The following SPAST variants were observed in gnomAD, a reference collection of about 807,000 sequenced individuals.
The protein encoded by SPAST is spastic paraplegia 4 (autosomal dominant; spastin).
SPAST carries 30 observed loss-of-function variants against 76.6 expected under a neutral mutation model. The ratio of observed to expected loss-of-function variants is 0.39; its 90% confidence interval spans 0.29 to 0.53. The LOEUF (loss-of-function observed/expected upper bound fraction) is 0.53. Among genes scored for constraint, SPAST ranks in the 20% least tolerant of loss-of-function variants. The pLI is 0.68. For synonymous variants in SPAST, 305 were observed against 281.0 expected, an observed-to-expected ratio of 1.09 and a Z score of -0.86; for missense variants, 717 against 770.5, an observed-to-expected ratio of 0.93 and a Z score of 0.82.
At chr2:32,114,574 T>A in intron 4 of SPAST, 64 bp from the exon 5 acceptor site, 2 of 1,276,262 alleles carry the variant, frequency 1.6e-6, no homozygotes, top group Non-Finnish European at 2.3e-6. Flanking sequence ...TTTACAAATG[T>A]TTGCTTGTCT....
rs151252025 is a variant in SPAST at position 32,106,971 on chromosome 2, A to G, written c.683-7667A>G. Among the ~76,000 whole-genome samples the G allele has an allele frequency of 2.8e-4, 43 of 151,428 alleles. 1 individual carries two copies. Among genetic ancestry groups the G allele is most frequent in the African/African-American group, 9.7e-4 (40 of 41,088 alleles). On this transcript the variant is annotated intron_variant, in intron 4 of 16. Coordinates refer to ENST00000315285, the MANE Select transcript of SPAST (RefSeq NM_014946.4). ...AAAATATGTATTTGAGATCCCAGTA[A>G]TTCTACTAGGATAAATAGCAAAAAT... is the stretch of plus-strand genomic sequence containing the variant.
At chr2:32,090,370 C>T (rs2148711117) in intron 3 of SPAST, among the ~76,000 whole-genome samples, 1 of 152,304 alleles carries the variant, frequency 6.6e-6, no homozygotes, top group South Asian at 2.1e-4. Context: ...CATCCCACTT[C>T]ACTGTCCCCC....
intron 3 of SPAST, among the ~76,000 whole-genome samples, chr2:32,094,043 C>G (rs1677829989): frequency 6.6e-6 from 1 of 152,112 alleles, no homozygotes; most frequent in Non-Finnish European, 1.5e-5. Context: ...ATTTTCCATC[C>G]TAATTAGATA....
At chr2:32,084,867 AAT>A (rs1236753246) in intron 1 of SPAST, among the ~76,000 whole-genome samples, 1 of 135,738 alleles carries the variant, frequency 7.4e-6, no homozygotes, top group Non-Finnish European at 1.5e-5. Flanking sequence ...CAGCCTGGGC[AAT>A]AGAGTGAGAC....
intron 1 of SPAST, among the ~76,000 whole-genome samples, chr2:32,076,796 A>T (rs1480397844): frequency 2.0e-5 from 3 of 151,948 alleles, no homozygotes; most frequent in Non-Finnish European, 4.4e-5. Flanking sequence ...TCCTTGGCTT[A>T]AGTGATCTTC....
At chr2:32,098,000 C>G (rs774081195) in intron 3 of SPAST, among the ~76,000 whole-genome samples, 1 of 151,912 alleles carries the variant, frequency 6.6e-6, no homozygotes, top group African/African-American at 2.4e-5. Context: ...GCCTGGCTGT[C>G]CTTTCTTTTA....
chr2:32,125,870 A>C (rs1293655288), intron 7 of SPAST, among the ~76,000 whole-genome samples: 4 of 151,668 alleles, frequency 2.6e-5, no homozygotes, highest in Non-Finnish European at 5.9e-5. Context: ...TCTTGGCTCA[A>C]TACACGCTCC....
intron 7 of SPAST, chr2:32,126,450 C>T (rs1679193764): frequency 6.8e-6 from 1 of 147,396 alleles, no homozygotes; most frequent in African/African-American, 2.5e-5. Flanking sequence ...TTTTTACCAC[C>T]GAGGAGTTGG....
chr2:32,105,267 A>G (rs1425309445), intron 4 of SPAST, among the ~76,000 whole-genome samples: 3 of 152,174 alleles, frequency 2.0e-5, no homozygotes, highest in African/African-American at 7.2e-5. Flanking sequence ...TCATGCATGC[A>G]TCACGTAGTT....
At chr2:32,149,324 C>G (rs1324756599) in intron 16 of SPAST, among the ~76,000 whole-genome samples, 2 of 150,006 alleles carry the variant, frequency 1.3e-5, no homozygotes, top group African/African-American at 4.9e-5. Context: ...GTCTCGAACT[C>G]CTGACCTCAG....
intron 1 of SPAST, among the ~76,000 whole-genome samples, chr2:32,067,290 G>C (rs1676559988): frequency 1.3e-5 from 2 of 152,118 alleles, no homozygotes; most frequent in Non-Finnish European, 2.9e-5. Flanking sequence ...TCGAGCTCCT[G>C]ACCTCAAGTG....
At chr2:32,067,414 A>G (rs992659572) in intron 1 of SPAST, among the ~76,000 whole-genome samples, 2 of 152,156 alleles carry the variant, frequency 1.3e-5, no homozygotes, top group Non-Finnish European at 2.9e-5. Context: ...GAGGTAGGAT[A>G]AAAGGAGAAA....
intron 16 of SPAST, 64 bp downstream of exon 16, chr2:32,147,322 A>C: frequency 1.1e-6 from 1 of 917,044 alleles, no homozygotes. Context: ...TAAGACATAC[A>C]TATATGAATG....
At position 32,143,323 on chromosome 2, in the gene SPAST, T is replaced by A. The variant is rs750360192; in HGVS notation, c.1537-13T>A. ...GAAATTAGACTGAATGATCATTTTT[T>A]AATATTTTTCAGACAAGACTACTTT... On this transcript the variant is annotated splice_polypyrimidine_tract_variant and intron_variant, in intron 13 of 16. Transcript: ENST00000315285. The A allele has an allele frequency of 2.1e-6, 3 of 1,425,732 alleles. No individual in the cohort carries two copies. The highest frequency in any genetic ancestry group is 3.0e-6 in the Non-Finnish European group (3 of 1,011,244). The allele number at this position is 1,425,732 out of a possible 1,614,324, so 88.3% of individuals were successfully genotyped here. A position where few individuals can be genotyped will look rare whatever the true frequency, so the allele number is the denominator to read the frequency against.
intron 9 of SPAST, 113 bp downstream of exon 9, chr2:32,128,592 G>GT (rs1679274760): frequency 1.3e-6 from 1 of 741,414 alleles, no homozygotes; most frequent in East Asian, 2.7e-5. Flanking sequence ...CTTATCTATT[G>GT]TATCTATTAT....
At chr2:32,081,034 C>T (rs1317354441) in intron 1 of SPAST, among the ~76,000 whole-genome samples, 2 of 152,040 alleles carry the variant, frequency 1.3e-5, no homozygotes, top group Non-Finnish European at 1.5e-5. Flanking sequence ...TCTTGGCTCA[C>T]CGCAGCCTCC....
chr2:32,122,732 G>C (rs987243151), intron 7 of SPAST, among the ~76,000 whole-genome samples: 4 of 151,860 alleles, frequency 2.6e-5, no homozygotes, highest in African/African-American at 9.7e-5. Context: ...TTGAGTCCAG[G>C]AGTTCGACAC....
rs1162817708 is a variant in SPAST, at chr2:32,080,783, C to CTTTT, written c.416-6683_416-6680dup. On this transcript the variant is annotated intron_variant, in intron 1 of 16. Coordinates refer to ENST00000315285, the MANE Select transcript of SPAST (RefSeq NM_014946.4). ...AGTTCTTGTATGGTCTGGCTCAGTT[C>CTTTT]TTTTTTTTTTTTTTTTTTTTTTTTT... Among the ~76,000 whole-genome samples the CTTTT allele has an allele frequency of 2.8e-3, 137 of 48,454 alleles. 34 individuals are homozygous for CTTTT. The highest frequency in any genetic ancestry group is 7.7e-3 in the African/African-American group (95 of 12,336). The allele number at this position is 48,454 out of a possible 152,430, so 31.8% of individuals were successfully genotyped here. A position where few individuals can be genotyped will look rare whatever the true frequency, so the allele number is the denominator to read the frequency against.
intron 15 of SPAST, among the ~76,000 whole-genome samples, chr2:32,146,493 G>C (rs2886393): frequency 0.38 from 57,863 of 151,818 alleles, 11,434 homozygotes; most frequent in East Asian, 0.64. Context: ...CCTGGAAGGT[G>C]CAGGCAGCAG....
Sources: allele counts gnomAD v4.1 joint callset (sites outside exome capture counted in the v4.1 genomes callset), GRCh38; gene constraint gnomAD v4.1.1; transcripts MANE v1.5; gene names NCBI Gene and HGNC (gene_info 2026-07-23, HGNC 2026-07-21).